Variants in VIPAS39 observed in about 807,000 individuals in gnomAD.
VIPAS39 encodes VPS33B interacting protein, apical-basolateral polarity regulator, spe-39 homolog.
A neutral mutation model predicts 84.7 loss-of-function variants in VIPAS39; 63 were observed. The ratio of observed to expected loss-of-function variants is 0.74; its 90% CI spans 0.61 to 0.92. The LOEUF is 0.92. Among genes scored for constraint, VIPAS39 ranks in the 40% least tolerant of loss-of-function variants. The pLI is 0.00. For synonymous variants in VIPAS39, 192 were observed against 216.5 expected (o/e 0.89, Z 0.99); for missense variants, 499 against 604.5 (o/e 0.83, Z 1.83).
chr14:77,451,679 C>T (rs543856695), intron 3 of VIPAS39, among the ~76,000 whole-genome samples: 1 of 152,140 alleles, frequency 6.6e-6, no homozygotes, highest in African/African-American at 2.4e-5. Context: ...TCATGTCTCA[C>T]GTCAGCCTCA....
In VIPAS39 at chr14:77,451,313, C is replaced by T. The variant is rs1566738588; in HGVS notation, c.217G>A (p.Glu73Lys). The T allele has an allele frequency of 1.2e-6, 2 of 1,614,076 alleles. No homozygotes were observed. Among genetic ancestry groups the T allele is most frequent in the Non-Finnish European group, 1.7e-6 (2 of 1,180,044 alleles). ...GTTGAGCCGCTATTACCAGCAGTCT[C>T]TCTGATGGACCATGAGATACCTGTG... ...PVGSISWSIR[E>K]TAGNSGSTHE... Residue 73 changes from glutamate to lysine, a missense_variant, in exon 4 of 20, where the codon GAG becomes AAG. Transcript: ENST00000557658.
Position 77,453,476 on chromosome 14 carries a change from T to C in VIPAS39, c.94-75A>G, listed in dbSNP as rs1443003196. On this transcript the variant is annotated intron_variant, in intron 2 of 19. Transcript: ENST00000557658. ...CCTCTCTTCTGACAATCAAGAAGGC[T>C]GAGGAATTGGGGCCTGAAGGTGGCC... 4 of 1,437,390 alleles carry C rather than the reference T, an allele frequency of 2.8e-6. No homozygotes were observed. The African/African-American group carries it at 4.2e-5, about 15-fold the overall frequency. 89.0% of individuals were successfully genotyped at this position (1,437,390 alleles called of 1,614,324 possible). A position where few individuals can be genotyped will look rare whatever the true frequency, so the allele number is the denominator to read the frequency against.
intron 7 of VIPAS39, among the ~76,000 whole-genome samples, chr14:77,447,172 T>C (rs544470140): frequency 1.3e-5 from 2 of 151,884 alleles, no homozygotes; most frequent in South Asian, 4.2e-4. Flanking sequence ...TTTACAGGCA[T>C]GTGCCACCAC....
intron 6 of VIPAS39, 71 bp from the exon 7 acceptor site, chr14:77,448,621 C>T (rs1258139560): frequency 7.3e-6 from 11 of 1,509,540 alleles, no homozygotes; most frequent in South Asian, 1.1e-5. Flanking sequence ...CGCTCCTCAA[C>T]TCAAACTCAG....
chr14:77,433,020 A>T (rs571712942), intron 16 of VIPAS39, among the ~76,000 whole-genome samples: 2 of 152,230 alleles, frequency 1.3e-5, no homozygotes, highest in East Asian at 1.9e-4. Context: ...AAATTAATTT[A>T]AAAAAAGGTA....
intron 3 of VIPAS39, among the ~76,000 whole-genome samples, chr14:77,452,000 T>C (rs1305926799): frequency 6.6e-6 from 1 of 152,194 alleles, no homozygotes; most frequent in Non-Finnish European, 1.5e-5. Flanking sequence ...CTTTCATTTA[T>C]GCATCTATGG....
At chr14:77,453,475 C>A (rs753303119) in intron 2 of VIPAS39, 74 bp from the exon 3 acceptor site, 45 of 1,445,568 alleles carry the variant, frequency 3.1e-5, no homozygotes, top group Non-Finnish European at 4.3e-5. Context: ...ATCAAGAAGG[C>A]TGAGGAATTG....
chr14:77,435,253 C>A lies in VIPAS39; in HGVS notation c.1047+6G>T. 1 of 1,614,018 alleles carries A rather than the reference C, an allele frequency of 6.2e-7. No individual in the cohort carries two copies. ...GTTTGTGGAATCTTCCATATTTTGC[C>A]TGTACCTCAGCCTCTGTGTAGTGAT... On this transcript the variant is annotated splice_donor_region_variant and intron_variant, in intron 14 of 19. Coordinates refer to ENST00000557658, the MANE Select transcript of VIPAS39 (RefSeq NM_001193315.2).
intron 5 of VIPAS39, 116 bp downstream of exon 5, chr14:77,449,598 T>C (rs1431363497): frequency 1.4e-6 from 2 of 1,408,086 alleles, no homozygotes; most frequent in African/African-American, 2.8e-5. Flanking sequence ...ATAATGACAG[T>C]AGATGCAGAA....
chr14:77,429,661 C>A lies in VIPAS39; in HGVS notation c.1266+20G>T. 6.2e-7 allele frequency: 1 copy of A among 1,613,106 alleles called. No homozygotes were observed. The highest frequency in any genetic ancestry group is 1.7e-5 in the Admixed American group (1 of 60,022). On this transcript the variant is annotated intron_variant, in intron 17 of 19. Transcript: ENST00000557658. ...GTCTCCAAGAATATCCTGTACCCAA[C>A]TCTCTTCAGGACCCATTACCTGCAC...
At chr14:77,453,045 A>G (rs988260402) in intron 3 of VIPAS39, among the ~76,000 whole-genome samples, 2 of 152,182 alleles carry the variant, frequency 1.3e-5, no homozygotes, top group Admixed American at 6.6e-5. Flanking sequence ...CATTTTAACA[A>G]GCACCCCAAA....
At chr14:77,430,131 G>A (rs943395843) in intron 16 of VIPAS39, among the ~76,000 whole-genome samples, 1 of 152,164 alleles carries the variant, frequency 6.6e-6, no homozygotes, top group African/African-American at 2.4e-5. Flanking sequence ...ATGAGGGAAG[G>A]TCTGGAAAGC....
chr14:77,452,004 T>G (rs1210476636), intron 3 of VIPAS39, among the ~76,000 whole-genome samples: 3 of 152,160 alleles, frequency 2.0e-5, no homozygotes, highest in Non-Finnish European at 2.9e-5. Context: ...CATTTATGCA[T>G]CTATGGTCAG....
At chr14:77,433,795 CCCTT>C in intron 16 of VIPAS39, 43 bp downstream of exon 16, 1 of 1,584,330 alleles carries the variant, frequency 6.3e-7, no homozygotes, top group East Asian at 2.2e-5. Flanking sequence ...CATGATAGAA[CCCTT>C]CTGTCTCCCA....
At chr14:77,445,996 CG>C (rs1363111352) in intron 7 of VIPAS39, among the ~76,000 whole-genome samples, 1 of 150,498 alleles carries the variant, frequency 6.6e-6, no homozygotes, top group African/African-American at 2.4e-5. Flanking sequence ...TTATAATATA[CG>C]TGTTTTGAAA....
At chr14:77,427,685 C>T in intron 19 of VIPAS39, 49 bp from the exon 20 acceptor site, 1 of 1,612,454 alleles carries the variant, frequency 6.2e-7, no homozygotes, top group Non-Finnish European at 8.5e-7. Context: ...TTCACTTATC[C>T]CTACAGCAAG....
At chr14:77,437,079 A>G (rs1435673507) in intron 12 of VIPAS39, among the ~76,000 whole-genome samples, 1 of 152,184 alleles carries the variant, frequency 6.6e-6, no homozygotes, top group African/African-American at 2.4e-5. Context: ...AATGGATTTC[A>G]CTGATATAAT....
intron 7 of VIPAS39, among the ~76,000 whole-genome samples, chr14:77,444,989 C>G (rs946235769): frequency 1.4e-5 from 2 of 147,130 alleles, no homozygotes; most frequent in Admixed American, 1.4e-4. Flanking sequence ...GACGGAGTCT[C>G]GCTCTGTCGC....
chr14:77,445,329 G>A (rs2078771292), intron 7 of VIPAS39, among the ~76,000 whole-genome samples: 1 of 152,150 alleles, frequency 6.6e-6, no homozygotes, highest in African/African-American at 2.4e-5. Context: ...GTGATTATTG[G>A]TCATTCATGT....
Sources: allele counts gnomAD v4.1 joint callset (sites outside exome capture counted in the v4.1 genomes callset), GRCh38; gene constraint gnomAD v4.1.1; transcripts MANE v1.5; gene names NCBI Gene and HGNC (gene_info 2026-07-23, HGNC 2026-07-21).